Variants in DTWD2 observed in about 807,000 individuals in gnomAD.
DTWD2 encodes tRNA-uridine aminocarboxypropyltransferase 2.
A neutral mutation model predicts 31.8 loss-of-function variants in DTWD2; 39 were observed. That is an observed-to-expected ratio of 1.22 (90% CI 0.95 to 1.60). The LOEUF (loss-of-function observed/expected upper bound fraction) is 1.60. DTWD2 is among the 40% of genes most tolerant of loss of function. The pLI is 0.00. For missense variants in DTWD2, 515 were observed against 381.5 expected (o/e 1.35, Z -2.92); for synonymous variants, 180 against 142.8 (o/e 1.26, Z -1.86).
intron 1 of DTWD2, among the ~76,000 whole-genome samples, chr5:118,963,701 G>C (rs1754760143): frequency 1.3e-5 from 2 of 152,178 alleles, no homozygotes; most frequent in African/African-American, 4.8e-5. Flanking sequence ...TGATGGCACA[G>C]AGAGAAGCCA....
At chr5:118,892,527 T>C (rs1752996741) in intron 4 of DTWD2, among the ~76,000 whole-genome samples, 1 of 152,130 alleles carries the variant, frequency 6.6e-6, no homozygotes, top group East Asian at 1.9e-4. Flanking sequence ...ACATGAAATG[T>C]ATATTTGACA....
At chr5:118,966,859 G>C (rs113052643) in intron 1 of DTWD2, among the ~76,000 whole-genome samples, 1 of 151,884 alleles carries the variant, frequency 6.6e-6, no homozygotes, top group African/African-American at 2.4e-5. Context: ...GTGAAACCCC[G>C]TCTCTATTAA....
At chr5:118,850,477 CAAAAAAAAAAAAAAAAAAAAA>C (rs34808087) in intron 4 of DTWD2, among the ~76,000 whole-genome samples, 1 of 30,466 alleles carries the variant, frequency 3.3e-5, no homozygotes, top group African/African-American at 1.0e-4. Context: ...GACCCCACCA[CAAAAAAAAAAAAAAAAAAAAA>C]AAAAAAAAAA....
At chr5:118,923,940 T>A (rs1189544882) in intron 4 of DTWD2, among the ~76,000 whole-genome samples, 1 of 152,128 alleles carries the variant, frequency 6.6e-6, no homozygotes, top group East Asian at 1.9e-4. Context: ...CGGAAGGGCA[T>A]AAAAAATTCT....
intron 4 of DTWD2, among the ~76,000 whole-genome samples, chr5:118,868,314 G>T (rs1752424869): frequency 6.6e-6 from 1 of 151,444 alleles, no homozygotes. Flanking sequence ...AAAATTCTTA[G>T]AAAAAAAATA....
chr5:118,903,189 G>T lies in DTWD2; in HGVS notation c.597+25348C>A, dbSNP rs545523604. ...TGAGTCAGTATGCCTCTAACATAGT[G>T]ACAATATTGCCTACAAGGTTTCTCT... On this transcript the variant is annotated intron_variant, in intron 4 of 5. Coordinates refer to ENST00000510708, the MANE Select transcript of DTWD2 (RefSeq NM_173666.4). Among the ~76,000 whole-genome samples the T allele has an allele frequency of 4.7e-5, 7 of 150,298 alleles. No individual in the cohort carries two copies. The South Asian group carries it at 1.5e-3, about 32-fold the overall frequency.
chr5:118,907,841 T>C (rs183791363), intron 4 of DTWD2, among the ~76,000 whole-genome samples: 7 of 152,256 alleles, frequency 4.6e-5, no homozygotes, highest in Middle Eastern at 3.5e-3. Flanking sequence ...GTCTTTATGT[T>C]CTATTCAAGC....
At chr5:118,969,324 G>C (rs1374870224) in intron 1 of DTWD2, among the ~76,000 whole-genome samples, 1 of 152,186 alleles carries the variant, frequency 6.6e-6, no homozygotes, top group Non-Finnish European at 1.5e-5. Context: ...CTCAGCCAAA[G>C]GGCAGCCAGA....
At chr5:118,966,707 C>T (rs1240319484) in intron 1 of DTWD2, among the ~76,000 whole-genome samples, 4 of 151,928 alleles carry the variant, frequency 2.6e-5, no homozygotes, top group African/African-American at 9.7e-5. Context: ...TGTTGCTTTC[C>T]CTAACAGTTC....
At chr5:118,975,211 C>T (rs1755124070) in intron 1 of DTWD2, among the ~76,000 whole-genome samples, 1 of 152,080 alleles carries the variant, frequency 6.6e-6, no homozygotes, top group Admixed American at 6.5e-5. Context: ...TTCTTGGAGG[C>T]TTTGTTCGTT....
At chr5:118,928,501 A>G (rs770841171) in intron 4 of DTWD2, 36 bp downstream of exon 4, 5 of 1,352,774 alleles carry the variant, frequency 3.7e-6, no homozygotes, top group Non-Finnish European at 4.9e-6. Flanking sequence ...CTAATTATAT[A>G]TTTATATTTA....
intron 1 of DTWD2, among the ~76,000 whole-genome samples, chr5:118,987,242 C>T (rs1755448657): frequency 6.6e-6 from 1 of 152,084 alleles, no homozygotes; most frequent in African/African-American, 2.4e-5. Flanking sequence ...ATTCACAGTC[C>T]CTTCTAATCA....
chr5:118,907,720 T>C (rs1360127099), intron 4 of DTWD2, among the ~76,000 whole-genome samples: 1 of 142,456 alleles, frequency 7.0e-6, no homozygotes, highest in East Asian at 2.0e-4. Context: ...ACAGCGAGAC[T>C]CCATATCAAA....
intron 4 of DTWD2, among the ~76,000 whole-genome samples, chr5:118,912,962 C>T (rs1490563441): frequency 6.6e-6 from 1 of 152,078 alleles, no homozygotes; most frequent in African/African-American, 2.4e-5. Context: ...TAATTTGATC[C>T]ACAACGAAAG....
intron 4 of DTWD2, 121 bp from the exon 5 acceptor site, chr5:118,848,339 G>T: frequency 1.2e-6 from 1 of 812,184 alleles, no homozygotes; most frequent in Non-Finnish European, 1.8e-6. Flanking sequence ...TACTAAATGT[G>T]TCAATATCTT....
intron 1 of DTWD2, among the ~76,000 whole-genome samples, chr5:118,960,227 T>C (rs1307661560): frequency 6.6e-6 from 1 of 151,954 alleles, no homozygotes; most frequent in African/African-American, 2.4e-5. Flanking sequence ...TACAAGAAAC[T>C]TAAATCTACA....
intron 4 of DTWD2, 137 bp from the exon 5 acceptor site, chr5:118,848,355 T>C (rs1337528133): frequency 1.6e-5 from 11 of 701,160 alleles, no homozygotes; most frequent in South Asian, 5.2e-5. Context: ...ATCTTTTATG[T>C]ATAACATCCT....
intron 4 of DTWD2, among the ~76,000 whole-genome samples, chr5:118,869,533 T>G (rs139056313): frequency 1.9e-3 from 295 of 152,286 alleles, no homozygotes; most frequent in Non-Finnish European, 3.5e-3. Flanking sequence ...AAATTTTTGT[T>G]GCCAACCTGA....
intron 3 of DTWD2, among the ~76,000 whole-genome samples, chr5:118,933,483 G>A (rs1263512455): frequency 2.0e-5 from 3 of 152,092 alleles, no homozygotes; most frequent in Non-Finnish European, 2.9e-5. Context: ...TACAGGGATG[G>A]AAGGTTGGTT....
Sources: gnomAD v4.1 joint callset for allele counts (sites outside exome capture counted in the v4.1 genomes callset) on GRCh38, gnomAD v4.1.1 for gene constraint, MANE v1.5 for transcripts, NCBI Gene and HGNC (gene_info 2026-07-23, HGNC 2026-07-21) for gene names.